The following PCDHGA7 variants were observed in gnomAD, a reference collection of about 807,000 sequenced individuals.
PCDHGA7 encodes the protein protocadherin gamma subfamily A, 7, also known as protocadherin gamma-A7.
Under a neutral mutation model 58.3 loss-of-function variants are expected in PCDHGA7, and 44 were observed. The observed-to-expected ratio is 0.75, with a 90% CI of 0.59 to 0.97. The LOEUF is 0.97. Among genes scored for constraint, PCDHGA7 ranks in the 50% least tolerant of loss-of-function variants. The pLI, the probability that PCDHGA7 is intolerant of heterozygous loss-of-function variation, is 0.00. For synonymous variants in PCDHGA7, 516 were observed against 504.2 expected (o/e 1.02, Z -0.31); for missense variants, 1,266 against 1,188.7 (o/e 1.06, Z -0.96).
chr5:141,395,077 A>G (rs2093162583), intron 1 of PCDHGA7: 3 of 1,614,024 alleles, frequency 1.9e-6, no homozygotes, highest in Non-Finnish European at 2.5e-6. Flanking sequence ...ACCTATTCCC[A>G]GGAAGTCTCC....
intron 1 of PCDHGA7, among the ~76,000 whole-genome samples, chr5:141,452,988 T>C (rs2098753680): frequency 6.6e-6 from 1 of 152,228 alleles, no homozygotes; most frequent in Admixed American, 6.5e-5. Context: ...AGTACTGTGC[T>C]GAAAAGTTAC....
chr5:141,505,523 G>A, intron 3 of PCDHGA7, 42 bp downstream of exon 3: 1 of 1,612,760 alleles, frequency 6.2e-7, no homozygotes, highest in Middle Eastern at 1.7e-4. Flanking sequence ...GGGAGACCTG[G>A]GGTTCTGGGG....
In PCDHGA7 at chr5:141,431,878, C is replaced by T. The variant is rs2097425306; in HGVS notation, c.2424+46555C>T. The T allele has an allele frequency of 1.2e-6, 2 of 1,614,054 alleles. No individual in the cohort carries two copies. The highest frequency in any genetic ancestry group is 1.7e-5 in the Admixed American group (1 of 60,010). ...TAATTGCCCTTTTAAATGTAAATGACCAAGATTCTGAGGAAAACGGACAGG... is the reference window on the plus strand; with the variant it reads ...TAATTGCCCTTTTAAATGTAAATGATCAAGATTCTGAGGAAAACGGACAGG... On this transcript the variant is annotated intron_variant, in intron 1 of 3. Transcript: ENST00000518325. The surrounding 1 kb of genome is among the most constrained non-coding windows in gnomAD (Gnocchi z 4.8).
chr5:141,423,219 T>G (rs775170753), intron 1 of PCDHGA7: 4 of 1,613,752 alleles, frequency 2.5e-6, no homozygotes, highest in Non-Finnish European at 3.4e-6. Context: ...TCACCGTGGC[T>G]GTGGCCGACA....
At chr5:141,422,898 C>CTCTG (rs747261683) in intron 1 of PCDHGA7, 4 of 1,614,250 alleles carry the variant, frequency 2.5e-6, no homozygotes, top group Non-Finnish European at 3.4e-6. Flanking sequence ...TGGACCAGAA[C>CTCTG]GACAATGCGC....
At chr5:141,402,456 C>T (rs1052745008) in intron 1 of PCDHGA7, among the ~76,000 whole-genome samples, 1 of 152,050 alleles carries the variant, frequency 6.6e-6, no homozygotes, top group African/African-American at 2.4e-5. Flanking sequence ...TAATAGTTTA[C>T]ATATCTAGAA....
At chr5:141,468,063 A>G (rs2099157033) in intron 1 of PCDHGA7, among the ~76,000 whole-genome samples, 1 of 152,064 alleles carries the variant, frequency 6.6e-6, no homozygotes, top group South Asian at 2.1e-4. Flanking sequence ...AGTGGCTCAC[A>G]CCTGTAATCC....
At chr5:141,458,630 C>T (rs575289408) in intron 1 of PCDHGA7, among the ~76,000 whole-genome samples, 1 of 151,864 alleles carries the variant, frequency 6.6e-6, no homozygotes, top group Admixed American at 6.6e-5. Flanking sequence ...AGTGCAGTGG[C>T]ACAATCCCAG....
intron 1 of PCDHGA7, chr5:141,415,799 C>T (rs1037967294): frequency 5.2e-6 from 7 of 1,335,782 alleles, no homozygotes; most frequent in Non-Finnish European, 6.7e-6. Context: ...CACCTAGTCT[C>T]AATCAAGGCC....
intron 1 of PCDHGA7, among the ~76,000 whole-genome samples, chr5:141,429,903 T>C (rs1276564046): frequency 2.0e-5 from 3 of 152,252 alleles, no homozygotes; most frequent in African/African-American, 7.2e-5. Flanking sequence ...TAAATATTTT[T>C]GAAATATAAT....
chr5:141,389,410 GCGGGGTGGTGTTCGCGCAGCGCGC>G, intron 1 of PCDHGA7: 1 of 1,613,600 alleles, frequency 6.2e-7, no homozygotes, highest in Non-Finnish European at 8.5e-7. Context: ...AGCGCGGAGA[GCGGGGTGGTGTTCGCGCAGCGCGC>G]CTTCGACCAC....
intron 1 of PCDHGA7, chr5:141,405,186 G>A (rs762537440): frequency 6.2e-6 from 10 of 1,612,892 alleles, no homozygotes; most frequent in Non-Finnish European, 8.5e-6. Context: ...GGTGTAGATG[G>A]GGTTCGAGCT....
At chr5:141,419,658 A>T in intron 1 of PCDHGA7, 2 of 1,612,782 alleles carry the variant, frequency 1.2e-6, no homozygotes, top group Non-Finnish European at 1.7e-6. Flanking sequence ...GACTCGGGGC[A>T]CAATGCCTGG....
chr5:141,495,028 G>C, intron 2 of PCDHGA7, 163 bp downstream of exon 2: 3 of 966,196 alleles, frequency 3.1e-6, no homozygotes, highest in Non-Finnish European at 3.7e-6. Flanking sequence ...CACAGACCCC[G>C]GAAGGAAGAG....
Position 141,405,054 on chromosome 5 carries a change from C to G in PCDHGA7, c.2424+19731C>G, listed in dbSNP as rs773491411. ...CTCGTTGTGGCTGTGGCAGTCGTCT[C>G]CTGTGTCTTCCTCACCTTCGTTATC... On this transcript the variant is annotated intron_variant, in intron 1 of 3. Transcript: ENST00000518325. The G allele has an allele frequency of 2.3e-5, 37 of 1,613,806 alleles. 1 individual carries two copies. The South Asian group carries it at 4.1e-4, about 18-fold the overall frequency.
At position 141,486,878 on chromosome 5, in the gene PCDHGA7, C is replaced by T. The variant is rs772994346; in HGVS notation, c.2425-7929C>T. ...CAATGCTCCAGCTGTGCTCCGTCCT[C>T]GGGCCCGGCCTGGTTCCTTATGTCC... On this transcript the variant is annotated intron_variant, in intron 1 of 3. Transcript: ENST00000518325. The surrounding 1 kb of genome is among the most constrained non-coding windows in gnomAD (Gnocchi z 5.0). 3.0e-5 allele frequency: 49 copies of T among 1,614,114 alleles called. No homozygotes were observed. The highest frequency in any genetic ancestry group is 4.4e-5 in the South Asian group (4 of 91,088).
In PCDHGA7 at chr5:141,476,335, C is replaced by A; in HGVS notation, c.2425-18472C>A. On this transcript the variant is annotated intron_variant, in intron 1 of 3. Coordinates refer to ENST00000518325, the MANE Select transcript of PCDHGA7 (RefSeq NM_018920.4). The surrounding 1 kb of genome is among the most constrained non-coding windows in gnomAD (Gnocchi z 7.6). Reference sequence around the variant, plus strand: ...GGTTCCGGGTGGTGTCTGGAGCTAGCCGAAGATTCTTTGAGGTGAACCGGG... The same window carrying A: ...GGTTCCGGGTGGTGTCTGGAGCTAGACGAAGATTCTTTGAGGTGAACCGGG... 2 of 1,614,120 alleles carry A rather than the reference C, an allele frequency of 1.2e-6. No individual in the cohort carries two copies. Among genetic ancestry groups the A allele is most frequent in the Non-Finnish European group, 1.7e-6 (2 of 1,180,026 alleles).
At chr5:141,417,993 C>A in intron 1 of PCDHGA7, 1 of 1,613,830 alleles carries the variant, frequency 6.2e-7, no homozygotes, top group Non-Finnish European at 8.5e-7. Flanking sequence ...GCCAAGGGCT[C>A]GGTGGTGGGG....
Position 141,423,756 on chromosome 5 carries a change from G to GA in PCDHGA7, c.2424+38433_2424+38434insA. ...GCCTGTTATGAAAACTGTTTGGGGGGGGGGTGGGGCGGCATATATTTAGTT... is the reference window on the plus strand; with the variant it reads ...GCCTGTTATGAAAACTGTTTGGGGGGAGGGGTGGGGCGGCATATATTTAGTT... On this transcript the variant is annotated intron_variant, in intron 1 of 3. Transcript: ENST00000518325. 2 of 448,622 alleles carry GA rather than the reference G, an allele frequency of 4.5e-6. 1 individual carries two copies. The highest frequency in any genetic ancestry group is 6.1e-6 in the Non-Finnish European group (2 of 329,708). 27.8% of individuals were successfully genotyped at this position (448,622 alleles called of 1,614,324 possible). A position where few individuals can be genotyped will look rare whatever the true frequency, so the allele number is the denominator to read the frequency against.
Sources: gnomAD v4.1 joint callset for allele counts (sites outside exome capture counted in the v4.1 genomes callset) on GRCh38, gnomAD v4.1.1 for gene constraint, Gnocchi (gnomAD v3.1) non-coding constraint, MANE v1.5 for transcripts, NCBI Gene and HGNC (gene_info 2026-07-23, HGNC 2026-07-21) for gene names.